Variants in BIN2 observed in about 807,000 individuals in gnomAD.
The protein encoded by BIN2 is bridging integrator 2, also known as breast cancer associated protein BRAP1.
BIN2 carries 43 observed loss-of-function variants against 67.9 expected under a neutral mutation model. The observed-to-expected ratio is 0.63, with a 90% CI of 0.50 to 0.82. The LOEUF (loss-of-function observed/expected upper bound fraction) is 0.82. Among genes scored for constraint, BIN2 ranks in the 40% least tolerant of loss-of-function variants. The pLI, the probability that BIN2 is intolerant of heterozygous loss-of-function variation, is 0.00. For missense variants in BIN2, 581 were observed against 671.6 expected, an observed-to-expected ratio of 0.87 and a Z score of 1.49; for synonymous variants, 244 against 246.8, an observed-to-expected ratio of 0.99 and a Z score of 0.11.
chr12:51,295,845 G>GT lies in BIN2; in HGVS notation c.711dup (p.Leu238ThrfsTer8). ...ACTTTATTGGAATGTTGCTTCTCCAGTTTGCTCATCACCTCGTAGAGATTG... is the reference window on the plus strand; with the variant it reads ...ACTTTATTGGAATGTTGCTTCTCCAGTTTTGCTCATCACCTCGTAGAGATTG... On this transcript the variant is annotated frameshift_variant, in exon 9 of 13. Transcript: ENST00000615107. LOFTEE classifies it high-confidence loss of function. 1.2e-6 allele frequency: 2 copies of GT among 1,613,294 alleles called. No homozygotes were observed. Among genetic ancestry groups the GT allele is most frequent in the Non-Finnish European group, 1.7e-6 (2 of 1,179,676 alleles).
chr12:51,298,960 G>C (rs948034922), intron 7 of BIN2, among the ~76,000 whole-genome samples: 6 of 151,710 alleles, frequency 4.0e-5, no homozygotes, highest in Non-Finnish European at 8.8e-5. Context: ...GTAATCCCAG[G>C]TACTCGGGTG....
intron 1 of BIN2, among the ~76,000 whole-genome samples, chr12:51,314,859 A>G (rs1386909294): frequency 2.0e-5 from 3 of 151,758 alleles, no homozygotes; most frequent in Non-Finnish European, 4.4e-5. Flanking sequence ...TATTATTGTC[A>G]TTATTTTATT....
intron 2 of BIN2, among the ~76,000 whole-genome samples, 161 bp from the exon 3 acceptor site, chr12:51,303,302 G>A (rs148722720): frequency 8.2e-4 from 125 of 152,296 alleles, no homozygotes; most frequent in African/African-American, 2.8e-3. Context: ...TTACCAACCT[G>A]TTGTAGGTGG....
chr12:51,291,171 A>AC (rs1945370663), intron 10 of BIN2, among the ~76,000 whole-genome samples: 1 of 152,138 alleles, frequency 6.6e-6, no homozygotes, highest in African/African-American at 2.4e-5. Flanking sequence ...AAACAAACAA[A>AC]CAAAAAAAAG....
At chr12:51,311,019 G>C (rs1326803472) in intron 2 of BIN2, among the ~76,000 whole-genome samples, 3 of 151,690 alleles carry the variant, frequency 2.0e-5, no homozygotes, top group Non-Finnish European at 4.4e-5. Context: ...AAAGTGCTGG[G>C]ATTATAGGTG....
intron 1 of BIN2, among the ~76,000 whole-genome samples, chr12:51,323,525 C>G (rs74093853): frequency 0.13 from 20,069 of 152,088 alleles, 1,473 homozygotes; most frequent in East Asian, 0.24. Context: ...CAGGCAGGGT[C>G]AGGTAGGGGG....
In BIN2 at chr12:51,291,364, T is replaced by G. The variant is rs1006140199; in HGVS notation, c.1515+227A>C. On this transcript the variant is annotated intron_variant, in intron 10 of 12. Coordinates refer to ENST00000615107, the MANE Select transcript of BIN2 (RefSeq NM_016293.4). ...TGGCTCACATCTGTAATCTCAGCACTTTGGGAGGCCAAGACAGGAGGATCA... is the reference window on the plus strand; with the variant it reads ...TGGCTCACATCTGTAATCTCAGCACGTTGGGAGGCCAAGACAGGAGGATCA... Among the ~76,000 whole-genome samples, 38 of 151,928 alleles carry G rather than the reference T, an allele frequency of 2.5e-4. 1 individual carries two copies. The highest frequency in any genetic ancestry group is 4.7e-4 in the Non-Finnish European group (32 of 68,002).
chr12:51,318,206 C>T (rs1946181229), intron 1 of BIN2, among the ~76,000 whole-genome samples: 2 of 151,168 alleles, frequency 1.3e-5, no homozygotes. Context: ...GCAAGAGTGC[C>T]CAGATCTGGG....
In BIN2 at chr12:51,295,836, G is replaced by C. The variant is rs1217265071; in HGVS notation, c.721C>G (p.Gln241Glu). The change falls in exon 9 of 13, where the codon CAA becomes GAA. Residue 241 changes from glutamine to glutamate, a missense_variant. By Grantham distance (29) the Gln-to-Glu change is conservative (BLOSUM62 2). Transcript: ENST00000615107. ...ACCACAAAGACTTTATTGGAATGTT[G>C]CTTCTCCAGTTTGCTCATCACCTCG... is the stretch of plus-strand genomic sequence containing the variant. ...LYEVMSKLEK[Q>E]HSNKVFVVKG... is the part of the protein sequence containing the mutation. The C allele has an allele frequency of 6.2e-7, 1 of 1,613,096 alleles. No individual in the cohort carries two copies. Among genetic ancestry groups the C allele is most frequent in the Non-Finnish European group, 8.5e-7 (1 of 1,179,640 alleles).
At chr12:51,299,999 G>C (rs1331461149) in intron 5 of BIN2, among the ~76,000 whole-genome samples, 1 of 151,890 alleles carries the variant, frequency 6.6e-6, no homozygotes, top group Non-Finnish European at 1.5e-5. Flanking sequence ...CACCAAGCCC[G>C]GCTAATTTTT....
intron 2 of BIN2, among the ~76,000 whole-genome samples, chr12:51,309,718 C>G (rs1945950254): frequency 6.6e-6 from 1 of 152,152 alleles, no homozygotes; most frequent in Admixed American, 6.5e-5. Context: ...TTTCATTTCT[C>G]AAACGTATTT....
chr12:51,324,268 T>C (rs1401805201), upstream of BIN2: 1 of 1,418,092 alleles, frequency 7.1e-7, no homozygotes, highest in African/African-American at 1.5e-5. Flanking sequence ...AGCCCACCAC[T>C]GTCAGCTGGA....
intron 6 of BIN2, 54 bp from the exon 7 acceptor site, chr12:51,299,342 A>G: frequency 6.6e-7 from 1 of 1,511,120 alleles, no homozygotes; most frequent in Non-Finnish European, 9.2e-7. Flanking sequence ...CCAGTACTAC[A>G]GCATGCCTCC....
At chr12:51,297,720 T>G (rs923635156) in intron 7 of BIN2, among the ~76,000 whole-genome samples, 3 of 152,060 alleles carry the variant, frequency 2.0e-5, no homozygotes, top group African/African-American at 7.2e-5. Flanking sequence ...AGTTTAACAG[T>G]TTCATGGAGT....
chr12:51,308,731 T>C (rs1296938170), intron 2 of BIN2, among the ~76,000 whole-genome samples: 1 of 152,138 alleles, frequency 6.6e-6, no homozygotes, highest in Non-Finnish European at 1.5e-5. Flanking sequence ...GGTTAAAGTG[T>C]TGCTTGAGGA....
At chr12:51,288,875 G>A (rs146347748) in intron 10 of BIN2, among the ~76,000 whole-genome samples, 12,908 of 151,718 alleles carry the variant, frequency 0.085, 582 homozygotes, top group Non-Finnish European at 0.11. Flanking sequence ...TCAGCCTCCC[G>A]AGTAGCTGGG....
chr12:51,324,636 G>A, upstream of BIN2: 1 of 1,138,336 alleles, frequency 8.8e-7, no homozygotes, highest in Non-Finnish European at 1.2e-6. Flanking sequence ...AAGCAGGCAG[G>A]ACACCCGAGC....
intron 7 of BIN2, 78 bp from the exon 8 acceptor site, chr12:51,297,242 C>T: frequency 6.9e-7 from 1 of 1,439,098 alleles, no homozygotes; most frequent in South Asian, 1.2e-5. Context: ...CAAAGTAGGA[C>T]TTAAGCCAAA....
intron 12 of BIN2, 57 bp downstream of exon 12, chr12:51,284,659 T>C: frequency 1.4e-6 from 2 of 1,405,052 alleles, no homozygotes; most frequent in Non-Finnish European, 2.0e-6. Context: ...ATTCCAGCCT[T>C]TTCCCAAACC....
Sources: gnomAD v4.1 joint callset for allele counts (sites outside exome capture counted in the v4.1 genomes callset) on GRCh38, gnomAD v4.1.1 for gene constraint, MANE v1.5 for transcripts, NCBI Gene and HGNC (gene_info 2026-07-23, HGNC 2026-07-21) for gene names.